The following CORO2B variants were observed in gnomAD, a reference collection of about 807,000 sequenced individuals.
CORO2B encodes the protein coronin 2B, also known as coronin-2B.
Under a neutral mutation model 58.8 loss-of-function variants are expected in CORO2B, and 26 were observed. The ratio of observed to expected loss-of-function variants is 0.44; its 90% CI spans 0.32 to 0.61. The LOEUF (loss-of-function observed/expected upper bound fraction) is 0.61. CORO2B is among the 20% of genes least tolerant of loss of function. The pLI is 0.04. For missense variants in CORO2B, 460 were observed against 645.1 expected (o/e 0.71, Z 3.11); for synonymous variants, 242 against 253.8 (o/e 0.95, Z 0.44).
chr15:68,630,422 G>GT (rs11381045), intron 1 of CORO2B, among the ~76,000 whole-genome samples: 38,402 of 149,644 alleles, frequency 0.26, 5,687 homozygotes, highest in African/African-American at 0.41. Flanking sequence ...GAAATGAAAT[G>GT]TTTTTTTTTT....
intron 2 of CORO2B, among the ~76,000 whole-genome samples, chr15:68,673,835 TAAAAAAAAA>T: frequency 1.1e-5 from 1 of 92,698 alleles, no homozygotes; most frequent in Non-Finnish European, 2.1e-5. Flanking sequence ...AGACTCCGTC[TAAAAAAAAA>T]AAAAAAAAAA....
intron 11 of CORO2B, among the ~76,000 whole-genome samples, chr15:68,721,664 T>G (rs144837074): frequency 6.6e-6 from 1 of 152,306 alleles, no homozygotes; most frequent in East Asian, 1.9e-4. Flanking sequence ...TGATGGGTAC[T>G]TGGGGGTTCA....
At chr15:68,566,392 G>A in the CORO2B span, among the ~76,000 whole-genome samples, 4 of 152,094 alleles carry the variant, frequency 2.6e-5, no homozygotes, top group Non-Finnish European at 5.9e-5. Context: ...TGGTTCTAAA[G>A]CCTTATCTTC....
chr15:68,661,017 G>A (rs952979388), intron 2 of CORO2B, among the ~76,000 whole-genome samples: 12 of 145,836 alleles, frequency 8.2e-5, no homozygotes, highest in East Asian at 2.1e-4. Flanking sequence ...TTTTGCTGTC[G>A]CCCAGGCTGG....
chr15:68,680,559 G>A (rs554339238), intron 2 of CORO2B, among the ~76,000 whole-genome samples: 14 of 152,260 alleles, frequency 9.2e-5, no homozygotes, highest in South Asian at 8.3e-4. Flanking sequence ...TAGGTCCACC[G>A]TCTATGGCAT....
At chr15:68,581,314 C>T (rs1899419788) in intron 1 of CORO2B, among the ~76,000 whole-genome samples, 1 of 152,184 alleles carries the variant, frequency 6.6e-6, no homozygotes, top group Non-Finnish European at 1.5e-5. Flanking sequence ...AAAATCCCCA[C>T]CTTAACCCTA....
chr15:68,687,241 C>T (rs1903013338), intron 2 of CORO2B, among the ~76,000 whole-genome samples: 1 of 152,196 alleles, frequency 6.6e-6, no homozygotes, highest in Non-Finnish European at 1.5e-5. Context: ...CAGTGAGTGC[C>T]GGAACCGGGT....
intron 2 of CORO2B, among the ~76,000 whole-genome samples, chr15:68,670,479 C>T (rs1206428978): frequency 2.0e-5 from 3 of 152,114 alleles, no homozygotes; most frequent in Admixed American, 2.0e-4. Flanking sequence ...CGCGCCCAGC[C>T]AGCAAAAATA....
chr15:68,621,767 C>CT (rs34809209), intron 1 of CORO2B, among the ~76,000 whole-genome samples: 30,845 of 136,312 alleles, frequency 0.23, 3,803 homozygotes, highest in African/African-American at 0.33. Context: ...AGTTTCACTT[C>CT]TTTTTTTTTT....
the CORO2B span, among the ~76,000 whole-genome samples, chr15:68,518,900 A>C: frequency 6.6e-6 from 1 of 152,066 alleles, no homozygotes; most frequent in Non-Finnish European, 1.5e-5. Context: ...ACCCTGGAAG[A>C]CCTCTAGTTT....
the CORO2B span, among the ~76,000 whole-genome samples, chr15:68,558,980 G>C: frequency 1.3e-5 from 2 of 152,044 alleles, no homozygotes; most frequent in African/African-American, 4.8e-5. Context: ...AGGAATGAGC[G>C]TGTCTGTCTT....
chr15:68,540,738 C>CT, the CORO2B span, among the ~76,000 whole-genome samples: 1,405 of 151,514 alleles, frequency 9.3e-3, 20 homozygotes, highest in African/African-American at 0.032. Flanking sequence ...GTAAAGTTGG[C>CT]TTTTTTTTTA....
chr15:68,541,748 C>G, the CORO2B span, among the ~76,000 whole-genome samples: 1 of 152,186 alleles, frequency 6.6e-6, no homozygotes, highest in Non-Finnish European at 1.5e-5. Flanking sequence ...CTAACCCTTT[C>G]GGGTGATTCT....
At chr15:68,594,409 C>T (rs1236928144) in intron 1 of CORO2B, among the ~76,000 whole-genome samples, 2 of 152,224 alleles carry the variant, frequency 1.3e-5, no homozygotes, top group Non-Finnish European at 2.9e-5. Context: ...CTGAGCTGTG[C>T]TCTCCAGCTC....
At chr15:68,641,702 A>G in intron 1 of CORO2B, 1 of 439,358 alleles carries the variant, frequency 2.3e-6, no homozygotes, top group Non-Finnish European at 3.0e-6. Context: ...CTTGGAGGTG[A>G]TGGGGATGAT....
chr15:68,715,934 C>T (rs948937797), intron 8 of CORO2B, among the ~76,000 whole-genome samples: 1 of 152,230 alleles, frequency 6.6e-6, no homozygotes, highest in Non-Finnish European at 1.5e-5. Context: ...GGGTCCAAAT[C>T]ACCCAATGAA....
rs1210915168 is a variant in CORO2B, at chr15:68,669,087, GAA to G, written c.216+23729_216+23730del. ...AGAGAGAAAGAGAGAGAGAGAGAGAGAAAGAAGGAAGGAAGGAAGGAAGGAGG... is the reference window on the plus strand; with the variant it reads ...AGAGAGAAAGAGAGAGAGAGAGAGAGAGAAGGAAGGAAGGAAGGAAGGAGG... On this transcript the variant is annotated intron_variant, in intron 2 of 11. Coordinates refer to ENST00000261861, the MANE Select transcript of CORO2B (RefSeq NM_006091.5). 1.0e-3 allele frequency among the ~76,000 whole-genome samples: 155 copies of G among 148,480 alleles called. 1 individual carries two copies. Among genetic ancestry groups the G allele is most frequent in the African/African-American group, 3.6e-3 (143 of 40,172 alleles).
chr15:68,697,161 G>A (rs980133986), intron 3 of CORO2B, among the ~76,000 whole-genome samples: 1 of 151,862 alleles, frequency 6.6e-6, no homozygotes, highest in African/African-American at 2.4e-5. Flanking sequence ...TGGATGGATT[G>A]TTGGATGGAT....
At chr15:68,653,824 A>G (rs1480058243) in intron 2 of CORO2B, among the ~76,000 whole-genome samples, 1 of 150,088 alleles carries the variant, frequency 6.7e-6, no homozygotes, top group Admixed American at 6.7e-5. Context: ...CTCCCCCACA[A>G]TCAGCACTGA....
Sources: gnomAD v4.1 joint callset for allele counts (sites outside exome capture counted in the v4.1 genomes callset) on GRCh38, gnomAD v4.1.1 for gene constraint, MANE v1.5 for transcripts, NCBI Gene and HGNC (gene_info 2026-07-23, HGNC 2026-07-21) for gene names.